SEC22A: variants seen among roughly 807,000 people sequenced by gnomAD.
SEC22A encodes the protein SEC22 homolog A, vesicle trafficking protein, also known as vesicle-trafficking protein SEC22a.
In SEC22A, 22 loss-of-function variants were observed where a neutral mutation model predicts 35.3. That is an observed-to-expected ratio of 0.62 (90% CI 0.45 to 0.89). The LOEUF is 0.89. Ranked by LOEUF, SEC22A falls within the 40% of genes least tolerant of loss-of-function variation. The pLI, the probability that SEC22A is intolerant of heterozygous loss-of-function variation, is 0.00. For synonymous variants in SEC22A, 119 were observed against 129.5 expected (o/e 0.92, Z 0.55); for missense variants, 354 against 362.5 (o/e 0.98, Z 0.19).
chr3:123,223,702 C>G lies in SEC22A; in HGVS notation c.326C>G (p.Pro109Arg). Residue 109 changes from proline to arginine, a missense_variant, in exon 3 of 7, where the codon CCA (proline) becomes CGA (arginine). Transcript: ENST00000492595. ...ATGAAGACAAATACTGCTGTCAGAC[C>G]ATACTGTTTCATTGAATTTGGTAAG... ...NMMKTNTAVRPYCFIEFDNFI... is the reference protein window; with the variant it reads ...NMMKTNTAVRRYCFIEFDNFI... 1 of 1,612,368 alleles carries G rather than the reference C, an allele frequency of 6.2e-7. No individual in the cohort carries two copies. Among genetic ancestry groups the G allele is most frequent in the Non-Finnish European group, 8.5e-7 (1 of 1,179,324 alleles).
Position 123,225,148 on chromosome 3 carries a change from C to G in SEC22A, c.392C>G (p.Ser131Cys), listed in dbSNP as rs563428949. 2.5e-6 allele frequency: 4 copies of G among 1,613,200 alleles called. No individual in the cohort carries two copies. In the East Asian group the frequency reaches 8.9e-5, roughly 36 times the overall value. Residue 131 changes from serine to cysteine, a missense_variant, in exon 4 of 7, where the codon TCT becomes TGT. Ser to Cys is a moderately radical substitution (Grantham distance 112). Coordinates refer to ENST00000492595, the MANE Select transcript of SEC22A (RefSeq NM_012430.5). The stretch of plus-strand genomic sequence containing the variant: ...AAGCAGCGATATAATAATCCCAGGT[C>G]TCTTTCAACAAAGATAAATCTTTCT... ...RTKQRYNNPR[S>C]LSTKINLSDM...
intron 5 of SEC22A, among the ~76,000 whole-genome samples, chr3:123,257,571 T>C (rs7628714): frequency 0.2 from 29,839 of 151,848 alleles, 3,036 homozygotes; most frequent in Middle Eastern, 0.28. Flanking sequence ...TGGTGATGGG[T>C]GCCTGTAATC....
At position 123,206,119 on chromosome 3, in the gene SEC22A, T is replaced by C. The variant is rs1936847770; in HGVS notation, c.-19-3080T>C. ...AAAATAATACAGTCTACTTTTATTT[T>C]ACTTTTTGAGACAGGATCTCTCTCA... On this transcript the variant is annotated intron_variant, in intron 1 of 6. Transcript: ENST00000492595. Among the ~76,000 whole-genome samples, 3 of 152,200 alleles carry C rather than the reference T, an allele frequency of 2.0e-5. No homozygotes were observed. In the South Asian group the frequency reaches 6.2e-4, roughly 32 times the overall value.
At chr3:123,263,580 G>C (rs6772770) in intron 6 of SEC22A, among the ~76,000 whole-genome samples, 6 of 148,564 alleles carry the variant, frequency 4.0e-5, no homozygotes, top group East Asian at 2.1e-4. Context: ...GCAGTGGCGC[G>C]ATCTTGGCTC....
intron 6 of SEC22A, among the ~76,000 whole-genome samples, chr3:123,269,262 G>A (rs1385938666): frequency 6.7e-6 from 1 of 149,326 alleles, no homozygotes; most frequent in African/African-American, 2.5e-5. Context: ...AGCATTCCAA[G>A]CAATAAATAT....
chr3:123,262,550 C>T (rs1417023972), intron 6 of SEC22A, among the ~76,000 whole-genome samples: 1 of 152,116 alleles, frequency 6.6e-6, no homozygotes. Flanking sequence ...CTCACATGAC[C>T]ATTCTGGTTT....
chr3:123,267,660 T>G (rs1217975712), intron 6 of SEC22A, among the ~76,000 whole-genome samples: 1 of 152,188 alleles, frequency 6.6e-6, no homozygotes, highest in Admixed American at 6.5e-5. Context: ...TACCATGTCC[T>G]TTTTTCTTTC....
chr3:123,239,342 ATG>A (rs1937483047), intron 4 of SEC22A, among the ~76,000 whole-genome samples: 1 of 152,114 alleles, frequency 6.6e-6, no homozygotes, highest in Admixed American at 6.5e-5. Flanking sequence ...CATGTGCACA[ATG>A]TGCAGGTTAG....
chr3:123,258,021 AAG>A (rs1378923413), intron 5 of SEC22A, among the ~76,000 whole-genome samples: 6 of 151,760 alleles, frequency 4.0e-5, no homozygotes, highest in African/African-American at 1.5e-4. Context: ...AAGGAAGGAA[AAG>A]AGAGAAAAGA....
At chr3:123,220,912 T>TATATATATATA in intron 2 of SEC22A, among the ~76,000 whole-genome samples, 1 of 111,974 alleles carries the variant, frequency 8.9e-6, no homozygotes, top group Admixed American at 8.4e-5. Context: ...CATGTATATA[T>TATATATATATA]TCACACACAT....
intron 5 of SEC22A, among the ~76,000 whole-genome samples, chr3:123,257,066 C>G (rs186616980): frequency 3.8e-4 from 58 of 152,114 alleles, no homozygotes; most frequent in African/African-American, 1.4e-3. Context: ...CTGGACTTAA[C>G]TCTTTTCTGT....
Position 123,217,382 on chromosome 3 carries a change from T to A in SEC22A, c.183-6177T>A, listed in dbSNP as rs1937048708. 2.8e-5 allele frequency among the ~76,000 whole-genome samples: 4 copies of A among 143,686 alleles called. No individual in the cohort carries two copies. In the South Asian group the frequency reaches 6.8e-4, roughly 24 times the overall value. 94.3% of individuals were successfully genotyped at this position (143,686 alleles called of 152,430 possible). On this transcript the variant is annotated intron_variant, in intron 2 of 6. Transcript: ENST00000492595. Reference sequence around the variant, plus strand: ...CCGGCTAATTTTTTTTGTATTTTTTTATTTTTTTTTTTAGTGGAGATGGGG... The same window carrying A: ...CCGGCTAATTTTTTTTGTATTTTTTAATTTTTTTTTTTAGTGGAGATGGGG...
chr3:123,250,994 T>G (rs1422971773), intron 5 of SEC22A, among the ~76,000 whole-genome samples: 1 of 152,260 alleles, frequency 6.6e-6, no homozygotes, highest in Non-Finnish European at 1.5e-5. Context: ...TGACTCATTT[T>G]AAATATTTAT....
intron 4 of SEC22A, among the ~76,000 whole-genome samples, chr3:123,235,876 A>G (rs1448719099): frequency 6.6e-6 from 1 of 152,246 alleles, no homozygotes; most frequent in African/African-American, 2.4e-5. Flanking sequence ...AAAAAGGAAT[A>G]AAGTACTGAT....
chr3:123,226,689 C>A (rs1363411739), intron 4 of SEC22A, among the ~76,000 whole-genome samples: 1 of 152,106 alleles, frequency 6.6e-6, no homozygotes, highest in Non-Finnish European at 1.5e-5. Flanking sequence ...TTTGTTGTTT[C>A]CTTTGCTGAG....
intron 5 of SEC22A, among the ~76,000 whole-genome samples, chr3:123,259,276 C>G (rs1282170409): frequency 6.6e-6 from 1 of 151,950 alleles, no homozygotes; most frequent in Non-Finnish European, 1.5e-5. Flanking sequence ...AGTGGTTTTC[C>G]TCTTTTGAGT....
intron 4 of SEC22A, among the ~76,000 whole-genome samples, chr3:123,242,123 C>A (rs1363576844): frequency 6.6e-6 from 1 of 152,132 alleles, no homozygotes; most frequent in Non-Finnish European, 1.5e-5. Context: ...CATCTGCCTT[C>A]CCTGACTCTT....
chr3:123,268,332 T>C (rs190699551), intron 6 of SEC22A, among the ~76,000 whole-genome samples: 113 of 152,354 alleles, frequency 7.4e-4, no homozygotes, highest in African/African-American at 2.6e-3. Context: ...TTGGCATTTC[T>C]AGTTGCCAGC....
At chr3:123,242,886 A>G (rs142896586) in intron 4 of SEC22A, among the ~76,000 whole-genome samples, 80 of 152,278 alleles carry the variant, frequency 5.3e-4, no homozygotes, top group African/African-American at 1.9e-3. Context: ...GTACTCAGAA[A>G]AATATTATTT....
Sources: allele counts gnomAD v4.1 joint callset (sites outside exome capture counted in the v4.1 genomes callset), GRCh38; gene constraint gnomAD v4.1.1; transcripts MANE v1.5; gene names NCBI Gene and HGNC (gene_info 2026-07-23, HGNC 2026-07-21).